PHACTR1: variants seen among roughly 807,000 people sequenced by gnomAD.
PHACTR1 encodes RPEL repeat containing 1.
Under a neutral mutation model 69.2 loss-of-function variants are expected in PHACTR1, and 16 were observed. The observed-to-expected ratio is 0.23, with a 90% CI of 0.16 to 0.35. The LOEUF (loss-of-function observed/expected upper bound fraction) is 0.35. PHACTR1 is among the 10% of genes least tolerant of loss of function. PHACTR1 has a pLI of 1.00. For synonymous variants in PHACTR1, 312 were observed against 284.5 expected, an observed-to-expected ratio of 1.10 and a Z score of -0.97; for missense variants, 510 against 734.7, an observed-to-expected ratio of 0.69 and a Z score of 3.54.
intron 10 of PHACTR1, among the ~76,000 whole-genome samples, chr6:13,260,431 A>G (rs1343147667): frequency 6.6e-6 from 1 of 152,170 alleles, no homozygotes; most frequent in African/African-American, 2.4e-5. Context: ...TCTTAGCGCA[A>G]TGTCAGGCGG....
At chr6:13,235,321 A>G (rs536935460) in intron 10 of PHACTR1, among the ~76,000 whole-genome samples, 60 of 152,292 alleles carry the variant, frequency 3.9e-4, no homozygotes, top group African/African-American at 1.4e-3. Flanking sequence ...ATCTACTTCT[A>G]GTTCTGTTCA....
rs562734725 is a variant in PHACTR1 at position 12,868,179 on chromosome 6, C to T, written c.250+118389C>T. On this transcript the variant is annotated intron_variant, in intron 4 of 14. Transcript: ENST00000332995. ...GGCTGAAGCAGGAGAATCGCTTGAACCAGGGAGTCGGAGGTTGCAGTGAAC... is the reference window on the plus strand; with the variant it reads ...GGCTGAAGCAGGAGAATCGCTTGAATCAGGGAGTCGGAGGTTGCAGTGAAC... Among the ~76,000 whole-genome samples, 20 of 151,838 alleles carry T rather than the reference C, an allele frequency of 1.3e-4. No homozygotes were observed. The South Asian group carries it at 4.0e-3, about 30-fold the overall frequency.
chr6:12,773,584 C>T (rs531060716), intron 4 of PHACTR1, among the ~76,000 whole-genome samples: 79 of 152,204 alleles, frequency 5.2e-4, no homozygotes, highest in African/African-American at 1.7e-3. Context: ...TGTAATAGAA[C>T]CAGAAGGCTG....
chr6:13,025,711 C>A (rs188833454), intron 4 of PHACTR1, among the ~76,000 whole-genome samples: 17 of 97,346 alleles, frequency 1.7e-4, no homozygotes, highest in Non-Finnish European at 3.2e-4. Context: ...GTGTGTGTGT[C>A]TGTGTGTATG....
In PHACTR1 at chr6:12,888,571, C is replaced by G. The variant is rs867250191; in HGVS notation, c.250+138781C>G. On this transcript the variant is annotated intron_variant, in intron 4 of 14. Coordinates refer to ENST00000332995, the MANE Select transcript of PHACTR1 (RefSeq NM_030948.6). ...TCATGAAAATTAGTTTTATTTAACT[C>G]TTTTAAATGCCCATTAATGGAACAA... Among the ~76,000 whole-genome samples, 3 of 152,152 alleles carry G rather than the reference C, an allele frequency of 2.0e-5. No homozygotes were observed. The Middle Eastern group carries it at 0.01, about 518-fold the overall frequency.
intron 3 of PHACTR1, among the ~76,000 whole-genome samples, chr6:12,739,512 A>G (rs1019213480): frequency 6.6e-5 from 10 of 152,130 alleles, no homozygotes; most frequent in African/African-American, 2.4e-4. Flanking sequence ...GCATCTTAAT[A>G]AGCTAGAAGC....
At chr6:12,862,743 A>G (rs928224838) in intron 4 of PHACTR1, among the ~76,000 whole-genome samples, 5 of 152,214 alleles carry the variant, frequency 3.3e-5, no homozygotes, top group Admixed American at 1.3e-4. Context: ...ATGTGTGTGC[A>G]CATCTGAGAA....
intron 7 of PHACTR1, among the ~76,000 whole-genome samples, chr6:13,201,061 G>C (rs1327227851): frequency 6.6e-6 from 1 of 152,182 alleles, no homozygotes; most frequent in Admixed American, 6.5e-5. Context: ...CCCCAGTCCT[G>C]GTCCTGAGGA....
At chr6:13,044,990 G>T (rs1401707133) in intron 4 of PHACTR1, among the ~76,000 whole-genome samples, 2 of 152,054 alleles carry the variant, frequency 1.3e-5, no homozygotes, top group Non-Finnish European at 2.9e-5. Flanking sequence ...GCTACAGTAG[G>T]ATCAATTTAT....
chr6:12,886,526 G>A (rs569996178), intron 4 of PHACTR1, among the ~76,000 whole-genome samples: 2 of 151,190 alleles, frequency 1.3e-5, no homozygotes, highest in African/African-American at 4.9e-5. Context: ...AGTTAATTGA[G>A]ACAAGTAGAG....
intron 4 of PHACTR1, among the ~76,000 whole-genome samples, chr6:13,023,349 T>A (rs1801253283): frequency 6.6e-6 from 1 of 152,212 alleles, no homozygotes; most frequent in African/African-American, 2.4e-5. Flanking sequence ...ACTTTTCTAA[T>A]CCCCACCTAA....
At chr6:12,985,413 T>G (rs1477049925) in intron 4 of PHACTR1, among the ~76,000 whole-genome samples, 1 of 151,938 alleles carries the variant, frequency 6.6e-6, no homozygotes, top group East Asian at 1.9e-4. Context: ...AAGTACCTCC[T>G]GTAATTTTCT....
At chr6:13,195,774 A>AG (rs1764302784) in intron 7 of PHACTR1, among the ~76,000 whole-genome samples, 1 of 140,200 alleles carries the variant, frequency 7.1e-6, no homozygotes, top group Non-Finnish European at 1.5e-5. Context: ...AAAAAAAAAA[A>AG]AAAAAAGTTC....
intron 5 of PHACTR1, among the ~76,000 whole-genome samples, chr6:13,145,112 C>T (rs570604008): frequency 6.6e-6 from 1 of 152,304 alleles, no homozygotes; most frequent in South Asian, 2.1e-4. Context: ...CATGTCTATT[C>T]TGCTTTGGTA....
intron 5 of PHACTR1, 128 bp downstream of exon 5, chr6:13,053,657 CTT>C (rs1469001593): frequency 4.3e-6 from 5 of 1,151,320 alleles, no homozygotes; most frequent in Non-Finnish European, 2.4e-6. Context: ...TGGAATGGCT[CTT>C]GTCTTTAAAA....
rs762754156 is a variant in PHACTR1 at position 12,933,674 on chromosome 6, C to T, written c.251-119691C>T. The T allele has an allele frequency of 9.8e-5, 158 of 1,612,782 alleles. 3 individuals are homozygous for T. The Admixed American group carries it at 2.6e-3, about 26-fold the overall frequency. ...GGATATGGATGAAGCAAGAATGGGA[C>T]CAGCAGTGCCAACTCTTGGGCGTCC... On this transcript the variant is annotated intron_variant, in intron 4 of 14. Coordinates refer to ENST00000332995, the MANE Select transcript of PHACTR1 (RefSeq NM_030948.6).
At chr6:12,903,372 G>A (rs1332266735) in intron 4 of PHACTR1, among the ~76,000 whole-genome samples, 1 of 152,200 alleles carries the variant, frequency 6.6e-6, no homozygotes, top group African/African-American at 2.4e-5. Context: ...ACCTAAAATA[G>A]CATTAGTCCA....
chr6:12,834,942 G>T (rs1036674114), intron 4 of PHACTR1, among the ~76,000 whole-genome samples: 1 of 152,056 alleles, frequency 6.6e-6, no homozygotes, highest in Non-Finnish European at 1.5e-5. Context: ...TACCCTCTTC[G>T]TAAAAATGTA....
rs546065797 is a variant in PHACTR1 at position 13,070,795 on chromosome 6, A to T, written c.415+17266A>T. ...AGAGAAAGATACCTATATGATGTAT[A>T]TGAATTTGCCTGCTTAAAAAAAACA... On this transcript the variant is annotated intron_variant, in intron 5 of 14. Transcript: ENST00000332995. Among the ~76,000 whole-genome samples, 3 of 148,316 alleles carry T rather than the reference A, an allele frequency of 2.0e-5. No individual in the cohort carries two copies. In the East Asian group the frequency reaches 5.8e-4, roughly 29 times the overall value.
Sources: gnomAD v4.1 joint callset for allele counts (sites outside exome capture counted in the v4.1 genomes callset) on GRCh38, gnomAD v4.1.1 for gene constraint, MANE v1.5 for transcripts, NCBI Gene and HGNC (gene_info 2026-07-23, HGNC 2026-07-21) for gene names.